The following SPOP variants were observed in gnomAD, a reference collection of about 807,000 sequenced individuals.
SPOP encodes the protein speckle-type POZ protein.
In SPOP, 11 loss-of-function variants were observed where a neutral mutation model predicts 45.6. That is an observed-to-expected ratio of 0.24 (90% CI 0.15 to 0.40). SPOP has a LOEUF of 0.40. Among genes scored for constraint, SPOP ranks in the 10% least tolerant of loss-of-function variants. SPOP has a pLI of 1.00. For synonymous variants in SPOP, 166 were observed against 166.3 expected (o/e 1.00, Z 0.01); for missense variants, 152 against 465.6 (o/e 0.33, Z 6.20).
In SPOP at chr17:49,599,376, G is replaced by C; in HGVS notation, c.*1002C>G. The C allele has an allele frequency of 4.4e-6, 1 of 225,594 alleles. No individual in the cohort carries two copies. The highest frequency in any genetic ancestry group is 5.7e-5 in the Admixed American group (1 of 17,560). 14.0% of individuals were successfully genotyped at this position (225,594 alleles called of 1,614,324 possible). Reference sequence around the variant, plus strand: ...GAAGAGGGGCTAGTCAGAAGGAACAGAACTGGCTCCTATGCAGGCGGCAAG... The same window carrying C: ...GAAGAGGGGCTAGTCAGAAGGAACACAACTGGCTCCTATGCAGGCGGCAAG... On this transcript the variant is annotated 3_prime_UTR_variant, in exon 10 of 10. Coordinates refer to ENST00000504102, the MANE Select transcript of SPOP (RefSeq NM_001007228.2).
intron 5 of SPOP, chr17:49,618,554 T>C (rs1432953358): frequency 2.2e-6 from 1 of 456,870 alleles, no homozygotes. Flanking sequence ...CCTCAACTCT[T>C]GATAAGAATC....
chr17:49,644,114 C>A (rs2072710328), intron 1 of SPOP, among the ~76,000 whole-genome samples: 1 of 151,868 alleles, frequency 6.6e-6, no homozygotes, highest in African/African-American at 2.4e-5. Flanking sequence ...ACCTGTAATC[C>A]CAACACTTTG....
At chr17:49,660,064 T>C (rs547265584) in intron 1 of SPOP, among the ~76,000 whole-genome samples, 78 of 152,358 alleles carry the variant, frequency 5.1e-4, no homozygotes, top group Non-Finnish European at 9.7e-4. Context: ...TTAAGTGGTA[T>C]GGGTGCAGCC....
chr17:49,655,213 A>G (rs142176576), intron 1 of SPOP, among the ~76,000 whole-genome samples: 63 of 152,324 alleles, frequency 4.1e-4, no homozygotes, highest in African/African-American at 1.4e-3. Context: ...CAAAACAGGT[A>G]TTAAAAAAGA....
chr17:49,622,210 T>C lies in SPOP; in HGVS notation c.79-143A>G, dbSNP rs571026561. 1.1e-4 allele frequency: 110 copies of C among 1,040,280 alleles called. 1 individual carries two copies. The South Asian group carries it at 1.4e-3, about 13-fold the overall frequency. 64.4% of individuals were successfully genotyped at this position (1,040,280 alleles called of 1,614,324 possible). A position where few individuals can be genotyped will look rare whatever the true frequency, so the allele number is the denominator to read the frequency against. On this transcript the variant is annotated intron_variant, in intron 2 of 9. Transcript: ENST00000504102. ...CAGTTTTCAGGTTTTTCTCACCTTA[T>C]GTTCCTCATCCACATTTTAAGAAAT...
At chr17:49,610,153 T>C (rs758505776) in intron 6 of SPOP, among the ~76,000 whole-genome samples, 12 of 152,154 alleles carry the variant, frequency 7.9e-5, no homozygotes, top group African/African-American at 1.9e-4. Context: ...AGAAAAACTA[T>C]TGGCAGTGTT....
rs1436689471 is a variant in SPOP at position 49,619,174 on chromosome 17, T to C, written c.352+60A>G. 1.2e-6 allele frequency: 2 copies of C among 1,613,522 alleles called. No homozygotes were observed. The highest frequency in any genetic ancestry group is 1.7e-6 in the Non-Finnish European group (2 of 1,179,856). Reference sequence around the variant, plus strand: ...AAAACCAGATCAAAGCCACAACTTGTCAGTGTATGAAACTTCTGGATGTGA... The same window carrying C: ...AAAACCAGATCAAAGCCACAACTTGCCAGTGTATGAAACTTCTGGATGTGA... On this transcript the variant is annotated intron_variant, in intron 4 of 9. Coordinates refer to ENST00000504102, the MANE Select transcript of SPOP (RefSeq NM_001007228.2). This position sits in a 1 kb window ranked among gnomAD's most constrained non-coding sequence, Gnocchi z 4.9.
chr17:49,649,995 G>T (rs924796225), intron 1 of SPOP, among the ~76,000 whole-genome samples: 43 of 150,590 alleles, frequency 2.9e-4, no homozygotes, highest in Non-Finnish European at 4.7e-4. Flanking sequence ...AGGTTCAAGC[G>T]ATTCTCCTGC....
At chr17:49,663,757 C>T (rs1266815624) in intron 1 of SPOP, among the ~76,000 whole-genome samples, 2 of 152,182 alleles carry the variant, frequency 1.3e-5, no homozygotes, top group Admixed American at 6.5e-5. Flanking sequence ...GTTATTTAGA[C>T]ATGAATATTT....
chr17:49,665,692 A>ACC (rs2073048669), intron 1 of SPOP, among the ~76,000 whole-genome samples: 1 of 141,838 alleles, frequency 7.1e-6, no homozygotes, highest in Non-Finnish European at 1.5e-5. Context: ...ACACACACAC[A>ACC]CACCAATCTG....
rs2071721812 is a variant in SPOP, at chr17:49,600,596, C to A, written c.981-74G>T. On this transcript the variant is annotated intron_variant, in intron 9 of 9. Transcript: ENST00000504102. This position sits in a 1 kb window ranked among gnomAD's most constrained non-coding sequence, Gnocchi z 4.2. ...TGAATTCAACAGCCACCTAGATAGCCTAATTTTCCACTGTTAGGTATAAAG... is the reference window on the plus strand; with the variant it reads ...TGAATTCAACAGCCACCTAGATAGCATAATTTTCCACTGTTAGGTATAAAG... The A allele has an allele frequency of 1.3e-6, 2 of 1,551,462 alleles. No homozygotes were observed. The highest frequency in any genetic ancestry group is 1.8e-6 in the Non-Finnish European group (2 of 1,129,222).
intron 1 of SPOP, among the ~76,000 whole-genome samples, chr17:49,666,444 GACAGACACAC>G (rs908283996): frequency 3.1e-5 from 3 of 97,788 alleles, no homozygotes; most frequent in Admixed American, 1.2e-4. Flanking sequence ...CCTTCATGAA[GACAGACACAC>G]ACACACACAC....
At chr17:49,620,146 G>T (rs1427034152) in intron 3 of SPOP, among the ~76,000 whole-genome samples, 1 of 151,048 alleles carries the variant, frequency 6.6e-6, no homozygotes, top group Admixed American at 6.6e-5. Flanking sequence ...CTCCAGCCTG[G>T]GTAACAAGAA....
chr17:49,609,202 C>T (rs377689502), intron 6 of SPOP, among the ~76,000 whole-genome samples: 11 of 152,324 alleles, frequency 7.2e-5, no homozygotes, highest in African/African-American at 2.4e-4. Flanking sequence ...AGCCACTGCA[C>T]CCGGCCTAGC....
At chr17:49,659,418 T>C (rs747263205) in intron 1 of SPOP, among the ~76,000 whole-genome samples, 27 of 152,294 alleles carry the variant, frequency 1.8e-4, no homozygotes, top group Middle Eastern at 6.8e-3. Context: ...GACGGATCAT[T>C]CACCTAGGCT....
intron 1 of SPOP, among the ~76,000 whole-genome samples, chr17:49,624,197 G>A (rs1289289482): frequency 2.0e-5 from 3 of 152,106 alleles, no homozygotes; most frequent in Non-Finnish European, 4.4e-5. Context: ...TGGGTAGGAT[G>A]AATTCATCTA....
chr17:49,599,183 C>G lies in SPOP; in HGVS notation c.*1195G>C, dbSNP rs2071694520. 1 of 219,276 alleles carries G rather than the reference C, an allele frequency of 4.6e-6. No individual in the cohort carries two copies. The highest frequency in any genetic ancestry group is 9.2e-6 in the Non-Finnish European group (1 of 109,190). 13.6% of individuals were successfully genotyped at this position (219,276 alleles called of 1,614,324 possible). A position where few individuals can be genotyped will look rare whatever the true frequency, so the allele number is the denominator to read the frequency against. On this transcript the variant is annotated 3_prime_UTR_variant, in exon 10 of 10. Transcript: ENST00000504102. ...TCATTAGGCATTTCAGACATAATCTCTGCAAGCTGAAAACTAGGACTTCAA... is the reference window on the plus strand; with the variant it reads ...TCATTAGGCATTTCAGACATAATCTGTGCAAGCTGAAAACTAGGACTTCAA...
rs2071724741 is a variant in SPOP, at chr17:49,600,768, T to C, written c.981-246A>G. The C allele has an allele frequency of 4.1e-6, 2 of 482,196 alleles. No homozygotes were observed. The highest frequency in any genetic ancestry group is 4.7e-5 in the South Asian group (2 of 42,742). The allele number at this position is 482,196 out of a possible 1,614,324, so 29.9% of individuals were successfully genotyped here. A position where few individuals can be genotyped will look rare whatever the true frequency, so the allele number is the denominator to read the frequency against. On this transcript the variant is annotated intron_variant, in intron 9 of 9. Transcript: ENST00000504102. The surrounding 1 kb of genome is among the most constrained non-coding windows in gnomAD (Gnocchi z 4.2). ...ATATTCTCAAAAACAAAAAGCAGAA[T>C]GTTCCCCAGGCCCCCAACACTGCCT...
At chr17:49,668,098 A>G (rs1032021324) in intron 1 of SPOP, 2 of 152,230 alleles carry the variant, frequency 1.3e-5, no homozygotes, top group Non-Finnish European at 2.9e-5. Flanking sequence ...GGAGGAAACA[A>G]GAAGGTGTTT....
Sources: gnomAD v4.1 joint callset for allele counts (sites outside exome capture counted in the v4.1 genomes callset) on GRCh38, gnomAD v4.1.1 for gene constraint, Gnocchi (gnomAD v3.1) non-coding constraint, MANE v1.5 for transcripts, NCBI Gene and HGNC (gene_info 2026-07-23, HGNC 2026-07-21) for gene names.